The following BTBD8 variants were observed in gnomAD, a reference collection of about 807,000 sequenced individuals.
BTBD8 encodes the protein BTB/POZ domain-containing protein 8.
In BTBD8, 110 loss-of-function variants were observed where a neutral mutation model predicts 162.9. That is an observed-to-expected ratio of 0.68 (90% CI 0.58 to 0.79). BTBD8 has a LOEUF of 0.79. Ranked by LOEUF, BTBD8 falls within the 30% of genes least tolerant of loss-of-function variation. The pLI, the probability that BTBD8 is intolerant of heterozygous loss-of-function variation, is 0.00. For missense variants in BTBD8, 1,905 were observed against 2,085.4 expected (o/e 0.91, Z 1.68); for synonymous variants, 667 against 716.1 (o/e 0.93, Z 1.10).
chr1:92,103,229 A>G (rs1317994392), intron 3 of BTBD8, among the ~76,000 whole-genome samples: 1 of 152,188 alleles, frequency 6.6e-6, no homozygotes, highest in African/African-American at 2.4e-5. Flanking sequence ...AATTGATTAT[A>G]TTTGAAAATA....
chr1:92,181,567 A>T lies in BTBD8; in HGVS notation c.3884A>T (p.Asp1295Val). 1 of 1,551,564 alleles carries T rather than the reference A, an allele frequency of 6.4e-7. No homozygotes were observed. Among genetic ancestry groups the T allele is most frequent in the Non-Finnish European group, 8.7e-7 (1 of 1,146,846 alleles). The stretch of plus-strand genomic sequence containing the variant: ...AAATGTGGCACTATGCTGTGCCATG[A>T]TTTTCTTGGAAGAAGTAGCAGTGAT... ...ISKCGTMLCHDFLGRSSSDTS... is the reference protein window; with the variant it reads ...ISKCGTMLCHVFLGRSSSDTS... The change falls in exon 17 of 18, where the codon GAT becomes GTT. Residue 1295 changes from aspartate to valine, a missense_variant. Asp to Val is a radical substitution (Grantham distance 152). Around this residue, in one of 3 missense-constraint regions of BTBD8, gnomAD observed 517 missense variants for 606.6 expected, o/e 0.85. Coordinates refer to ENST00000636805, the MANE Select transcript of BTBD8 (RefSeq NM_001376131.1).
chr1:92,093,888 A>G (rs187407028), intron 2 of BTBD8, among the ~76,000 whole-genome samples: 240 of 152,342 alleles, frequency 1.6e-3, no homozygotes, highest in African/African-American at 5.5e-3. Flanking sequence ...TGTATGTTTA[A>G]AAGAAGATCC....
intron 4 of BTBD8, among the ~76,000 whole-genome samples, chr1:92,111,819 T>C (rs1648902045): frequency 6.6e-6 from 1 of 152,194 alleles, no homozygotes; most frequent in Admixed American, 6.5e-5. Context: ...TTGCCTGTTC[T>C]AGCTTGTCTT....
At chr1:92,129,589 T>C in intron 4 of BTBD8, 98 bp from the exon 5 acceptor site, 1 of 887,280 alleles carries the variant, frequency 1.1e-6, no homozygotes, top group South Asian at 1.5e-5. Flanking sequence ...AAATAGATTA[T>C]TGTGTTTTAA....
chr1:92,109,817 A>T (rs1310979232), intron 4 of BTBD8, among the ~76,000 whole-genome samples: 1 of 152,220 alleles, frequency 6.6e-6, no homozygotes, highest in African/African-American at 2.4e-5. Context: ...GTTCTAGATG[A>T]TCATTGTCAG....
intron 9 of BTBD8, among the ~76,000 whole-genome samples, chr1:92,166,455 TG>T (rs1252772231): frequency 1.3e-5 from 2 of 149,294 alleles, no homozygotes; most frequent in African/African-American, 4.9e-5. Flanking sequence ...GATGGAGTCT[TG>T]CTCTGTCACC....
chr1:92,121,238 T>C (rs1288438594), intron 4 of BTBD8, among the ~76,000 whole-genome samples: 1 of 152,220 alleles, frequency 6.6e-6, no homozygotes, highest in Non-Finnish European at 1.5e-5. Flanking sequence ...AATTTCGGTT[T>C]GGTTGTGATG....
chr1:92,110,994 T>C (rs1648876546), intron 4 of BTBD8, among the ~76,000 whole-genome samples: 2 of 144,278 alleles, frequency 1.4e-5, no homozygotes, highest in Admixed American at 6.9e-5. Context: ...CAGTCATTCC[T>C]TTTTTTTTTT....
rs771841607 is a variant in BTBD8 at position 92,088,707 on chromosome 1, G to A, written c.159G>A (p.Arg53=). The A allele has an allele frequency of 1.3e-6, 2 of 1,588,978 alleles. No individual in the cohort carries two copies. The highest frequency in any genetic ancestry group is 2.3e-5 in the South Asian group (2 of 85,286). The change falls in exon 2 of 18, where the codon AGG becomes AGA. Residue 53 remains arginine (R), a synonymous_variant. Transcript: ENST00000636805. ...QLSQDLLRLL[R]EEFHTDVTFS... is the part of the protein sequence containing the mutation. ...TTTTTATTCCTTATAGGCTTCTAAG[G>A]GAAGAATTCCATACAGATGTTACCT...
At chr1:92,099,075 G>T (rs1648522710) in intron 2 of BTBD8, among the ~76,000 whole-genome samples, 1 of 152,222 alleles carries the variant, frequency 6.6e-6, no homozygotes, top group South Asian at 2.1e-4. Context: ...TTTGTATATG[G>T]TATGAGGTTA....
intron 4 of BTBD8, among the ~76,000 whole-genome samples, chr1:92,121,083 A>G (rs1649195801): frequency 6.6e-6 from 1 of 152,206 alleles, no homozygotes; most frequent in Non-Finnish European, 1.5e-5. Flanking sequence ...CTAAATTTTT[A>G]AAATCCTAAA....
chr1:92,140,913 CAT>C (rs1018635102), intron 6 of BTBD8, among the ~76,000 whole-genome samples, 200 bp from the exon 7 acceptor site: 1 of 152,214 alleles, frequency 6.6e-6, no homozygotes, highest in Non-Finnish European at 1.5e-5. Flanking sequence ...CTAATCAAAT[CAT>C]GTGTCAGTGC....
At chr1:92,154,803 C>G (rs1650122075) in intron 9 of BTBD8, among the ~76,000 whole-genome samples, 1 of 152,038 alleles carries the variant, frequency 6.6e-6, no homozygotes, top group African/African-American at 2.4e-5. Flanking sequence ...TTTATGTTTG[C>G]TTTTATTGCT....
intron 9 of BTBD8, among the ~76,000 whole-genome samples, chr1:92,161,965 T>C (rs1650283140): frequency 1.3e-5 from 2 of 152,200 alleles, no homozygotes; most frequent in African/African-American, 4.8e-5. Context: ...TTCTTCTTCC[T>C]TTTTTTGTCT....
chr1:92,183,955 A>G lies in BTBD8; in HGVS notation c.5004A>G (p.Val1668=). 3 of 1,551,618 alleles carry G rather than the reference A, an allele frequency of 1.9e-6. No individual in the cohort carries two copies. The highest frequency in any genetic ancestry group is 2.6e-6 in the Non-Finnish European group (3 of 1,146,860). ...TGTCTCCAATATATGAGATGGATGT[A>G]ATAGAAGCATTTGAGCAGAAAGTGG... ...KTLSPIYEMD[V]IEAFEQKVES... Residue 1668 remains valine, a synonymous_variant, in exon 18 of 18, where the codon GTA becomes GTG. Transcript: ENST00000636805.
At chr1:92,129,451 A>G (rs1288949023) in intron 4 of BTBD8, among the ~76,000 whole-genome samples, 1 of 152,090 alleles carries the variant, frequency 6.6e-6, no homozygotes, top group African/African-American at 2.4e-5. Flanking sequence ...ACGCCACTGC[A>G]TTCCAGCCAG....
At chr1:92,114,358 A>G (rs972931092) in intron 4 of BTBD8, among the ~76,000 whole-genome samples, 1 of 152,016 alleles carries the variant, frequency 6.6e-6, no homozygotes, top group Non-Finnish European at 1.5e-5. Context: ...GCAGGGTGAG[A>G]ACTTAAAATT....
intron 3 of BTBD8, 88 bp downstream of exon 3, chr1:92,102,757 G>A (rs1648625235): frequency 7.4e-6 from 9 of 1,212,912 alleles, no homozygotes; most frequent in Non-Finnish European, 9.6e-6. Context: ...TCAAAAATAT[G>A]CTTTACTGAT....
In BTBD8 at chr1:92,176,927, G is replaced by A; in HGVS notation, c.1734G>A (p.Lys578=). ...GGAGTTATCTCTCTACTAATAAAAAGATGAAATCTGATGGATTAGGAGCAT... is the reference window on the plus strand; with the variant it reads ...GGAGTTATCTCTCTACTAATAAAAAAATGAAATCTGATGGATTAGGAGCAT... ...ECWSYLSTNK[K]MKSDGLGASG... Residue 578 remains lysine (K), a synonymous_variant, in exon 14 of 18, where the codon AAG becomes AAA. Transcript: ENST00000636805. 1 of 1,538,874 alleles carries A rather than the reference G, an allele frequency of 6.5e-7. No individual in the cohort carries two copies. Among genetic ancestry groups the A allele is most frequent in the East Asian group, 2.4e-5 (1 of 40,838 alleles).
Sources: gnomAD v4.1 joint callset for allele counts (sites outside exome capture counted in the v4.1 genomes callset) on GRCh38, gnomAD v4.1.1 for gene constraint, gnomAD v4.1.1 regional missense constraint, MANE v1.5 for transcripts, NCBI Gene and HGNC (gene_info 2026-07-23, HGNC 2026-07-21) for gene names.